The following QTMAN variants were observed in gnomAD, a reference collection of about 807,000 sequenced individuals.
QTMAN encodes the protein tRNA-queuosine alpha-mannosyltransferase.
the QTMAN span, among the ~76,000 whole-genome samples, chr2:144,134,841 GTT>G: frequency 6.6e-6 from 1 of 151,660 alleles, no homozygotes; most frequent in African/African-American, 2.4e-5. Flanking sequence ...ACAAGTGGGT[GTT>G]TTTTTAAGAT....
chr2:144,046,592 A>C, the QTMAN span, among the ~76,000 whole-genome samples: 1 of 152,222 alleles, frequency 6.6e-6, no homozygotes, highest in African/African-American at 2.4e-5. Context: ...CAGCACTATT[A>C]AATGAGATAC....
chr2:144,109,618 A>C, the QTMAN span, among the ~76,000 whole-genome samples: 8 of 152,104 alleles, frequency 5.3e-5, no homozygotes, highest in Non-Finnish European at 1.0e-4. Flanking sequence ...CAACCTACAG[A>C]ATGGGAGAAA....
the QTMAN span, among the ~76,000 whole-genome samples, chr2:144,126,457 T>C: frequency 1.3e-5 from 2 of 151,970 alleles, no homozygotes; most frequent in Non-Finnish European, 2.9e-5. Context: ...ACCAACCTGG[T>C]TATGATTGTG....
the QTMAN span, among the ~76,000 whole-genome samples, chr2:144,199,563 A>G: frequency 6.6e-6 from 1 of 152,230 alleles, no homozygotes; most frequent in Non-Finnish European, 1.5e-5. Context: ...TGAACAAATA[A>G]GAAGTCATAT....
At chr2:144,135,329 C>T in the QTMAN span, among the ~76,000 whole-genome samples, 1 of 151,912 alleles carries the variant, frequency 6.6e-6, no homozygotes, top group Admixed American at 6.6e-5. Flanking sequence ...GGGCACTGCC[C>T]TATAAGACAT....
At chr2:144,220,654 G>A in the QTMAN span, among the ~76,000 whole-genome samples, 1 of 152,238 alleles carries the variant, frequency 6.6e-6, no homozygotes, top group Non-Finnish European at 1.5e-5. Flanking sequence ...AAGTTACTTA[G>A]GAGTTAGTTA....
At chr2:144,322,617 C>T in the QTMAN span, among the ~76,000 whole-genome samples, 2 of 152,056 alleles carry the variant, frequency 1.3e-5, no homozygotes, top group East Asian at 3.8e-4. Context: ...AATGGCCTCA[C>T]ACAAATATGT....
At chr2:144,007,554 G>A in the QTMAN span, 7 of 1,468,132 alleles carry the variant, frequency 4.8e-6, no homozygotes, top group Admixed American at 1.6e-4. Context: ...AAAAAAGAAT[G>A]CAATATACTT....
the QTMAN span, among the ~76,000 whole-genome samples, chr2:144,055,495 C>A: frequency 6.6e-6 from 1 of 152,012 alleles, no homozygotes; most frequent in South Asian, 2.1e-4. Flanking sequence ...TCAATTCAGT[C>A]AAATGCATGG....
At chr2:144,332,498 A>T in the QTMAN span, 1 of 147,078 alleles carries the variant, frequency 6.8e-6, no homozygotes, top group Non-Finnish European at 1.5e-5. Flanking sequence ...CCAGCCGGCG[A>T]CGCGCTGACG....
At chr2:144,290,105 T>C in the QTMAN span, among the ~76,000 whole-genome samples, 2 of 152,164 alleles carry the variant, frequency 1.3e-5, no homozygotes, top group Non-Finnish European at 2.9e-5. Flanking sequence ...TCCGTTTTCT[T>C]TTATGTTACT....
chr2:144,151,719 T>G, the QTMAN span, among the ~76,000 whole-genome samples: 1 of 152,160 alleles, frequency 6.6e-6, no homozygotes, highest in South Asian at 2.1e-4. Flanking sequence ...TAAATGAAAA[T>G]TACTCCCAAG....
chr2:144,106,710 T>C, the QTMAN span, among the ~76,000 whole-genome samples: 3 of 152,102 alleles, frequency 2.0e-5, no homozygotes, highest in Admixed American at 1.3e-4. Context: ...GACAGAAAGT[T>C]AACAAGGATA....
the QTMAN span, among the ~76,000 whole-genome samples, chr2:144,123,223 C>T: frequency 3.9e-5 from 6 of 152,084 alleles, no homozygotes; most frequent in Non-Finnish European, 8.8e-5. Context: ...CCATACTATA[C>T]CAAATTTTCC....
the QTMAN span, among the ~76,000 whole-genome samples, chr2:144,067,612 G>T: frequency 6.6e-6 from 1 of 152,212 alleles, no homozygotes; most frequent in Non-Finnish European, 1.5e-5. Flanking sequence ...AGGCAGAGAA[G>T]CAGCTGGGTG....
chr2:144,208,600 T>C, the QTMAN span: 8 of 1,610,042 alleles, frequency 5.0e-6, no homozygotes, highest in Admixed American at 1.0e-4. Context: ...GAGCTCTAAT[T>C]ACCTGTAATG....
the QTMAN span, among the ~76,000 whole-genome samples, chr2:143,979,016 C>A: frequency 6.6e-6 from 1 of 152,170 alleles, no homozygotes; most frequent in Non-Finnish European, 1.5e-5. Context: ...TGTATTTCTA[C>A]CTCTTGGATA....
At chr2:144,204,411 A>G in the QTMAN span, among the ~76,000 whole-genome samples, 1 of 152,248 alleles carries the variant, frequency 6.6e-6, no homozygotes, top group African/African-American at 2.4e-5. Flanking sequence ...ATCACTGGCC[A>G]TCAGAGAAAT....
the QTMAN span, among the ~76,000 whole-genome samples, chr2:144,321,392 T>C: frequency 0.38 from 57,218 of 152,092 alleles, 12,682 homozygotes; most frequent in East Asian, 0.59. Flanking sequence ...AAAAGTATAA[T>C]TCCACACAAA....
Sources: allele counts gnomAD v4.1 joint callset (sites outside exome capture counted in the v4.1 genomes callset), GRCh38; gene constraint gnomAD v4.1.1; transcripts MANE v1.5; gene names NCBI Gene and HGNC (gene_info 2026-07-23, HGNC 2026-07-21).